The following EBF1 variants were observed in gnomAD, a reference collection of about 807,000 sequenced individuals.
EBF1 encodes EBF transcription factor 1, also known as transcription factor COE1.
Under a neutral mutation model 68.4 loss-of-function variants are expected in EBF1, and 10 were observed. That is an observed-to-expected ratio of 0.15 (90% CI 0.09 to 0.25). The LOEUF (loss-of-function observed/expected upper bound fraction) is 0.25. EBF1 is among the 10% of genes least tolerant of loss of function. EBF1 has a pLI of 1.00. For missense variants in EBF1, 509 were observed against 794.4 expected (o/e 0.64, Z 4.32); for synonymous variants, 298 against 299.8 (o/e 0.99, Z 0.06).
At chr5:158,934,245 T>G (rs1280664688) in intron 6 of EBF1, among the ~76,000 whole-genome samples, 2 of 151,184 alleles carry the variant, frequency 1.3e-5, no homozygotes, top group Non-Finnish European at 2.9e-5. Context: ...TGCATATTAG[T>G]TCCTTCCTTC....
At chr5:158,812,468 G>T (rs1486412335) in intron 8 of EBF1, among the ~76,000 whole-genome samples, 1 of 152,054 alleles carries the variant, frequency 6.6e-6, no homozygotes, top group Non-Finnish European at 1.5e-5. Context: ...CCTTTAGTGG[G>T]CTCTAATCAT....
intron 7 of EBF1, among the ~76,000 whole-genome samples, chr5:158,833,402 T>C (rs906842341): frequency 6.6e-6 from 1 of 152,198 alleles, no homozygotes; most frequent in Non-Finnish European, 1.5e-5. Flanking sequence ...GCAGTTACAA[T>C]TTCTAATATT....
intron 6 of EBF1, among the ~76,000 whole-genome samples, chr5:159,020,768 G>C (rs1012186945): frequency 5.3e-5 from 8 of 152,164 alleles, no homozygotes; most frequent in African/African-American, 1.9e-4. Flanking sequence ...CCTCTCCAAA[G>C]TGCCTAGTAC....
intron 10 of EBF1, among the ~76,000 whole-genome samples, chr5:158,763,827 G>A (rs1772058411): frequency 6.6e-6 from 1 of 152,174 alleles, no homozygotes. Flanking sequence ...CTCTGGTTTT[G>A]TAAGCAAATA....
intron 6 of EBF1, among the ~76,000 whole-genome samples, chr5:159,021,197 A>C (rs1177885959): frequency 1.3e-5 from 2 of 152,258 alleles, no homozygotes; most frequent in Non-Finnish European, 1.5e-5. Context: ...TCCCTAAAGC[A>C]GTATCCTGTT....
chr5:158,956,619 C>T (rs1387740995), intron 6 of EBF1, among the ~76,000 whole-genome samples: 1 of 151,920 alleles, frequency 6.6e-6, no homozygotes, highest in Non-Finnish European at 1.5e-5. Context: ...TTGAGAAAGA[C>T]ATACTTACTA....
At chr5:158,746,584 A>C (rs1033607039) in intron 10 of EBF1, among the ~76,000 whole-genome samples, 4 of 152,146 alleles carry the variant, frequency 2.6e-5, no homozygotes, top group African/African-American at 9.7e-5. Context: ...GAAGTTCCCC[A>C]AACTGAATCT....
At chr5:158,829,708 C>G (rs1364740621) in intron 7 of EBF1, among the ~76,000 whole-genome samples, 2 of 152,150 alleles carry the variant, frequency 1.3e-5, no homozygotes, top group Non-Finnish European at 2.9e-5. Context: ...CCCCTATAGT[C>G]TACATTCTAC....
intron 10 of EBF1, among the ~76,000 whole-genome samples, chr5:158,759,535 T>C (rs1770926982): frequency 1.3e-5 from 2 of 152,158 alleles, no homozygotes; most frequent in East Asian, 3.9e-4. Flanking sequence ...GGGCAAATGA[T>C]AGCATAGCGT....
Position 158,698,679 on chromosome 5 carries a change from A to C in EBF1, c.*432T>G, listed in dbSNP as rs1465695385. 132 of 123,304 alleles carry C rather than the reference A, an allele frequency of 1.1e-3. No individual in the cohort carries two copies. The highest frequency in any genetic ancestry group is 2.3e-3 in the Middle Eastern group (1 of 440). 7.6% of individuals were successfully genotyped at this position (123,304 alleles called of 1,614,324 possible). A position where few individuals can be genotyped will look rare whatever the true frequency, so the allele number is the denominator to read the frequency against. On this transcript the variant is annotated 3_prime_UTR_variant, in exon 16 of 16. Coordinates refer to ENST00000313708, the MANE Select transcript of EBF1 (RefSeq NM_024007.5). ...CCTTTTTTTCTTTTTTTTTTTTTTT[A>C]CTTTTTTGTAAATATCACCACTTCA...
intron 8 of EBF1, among the ~76,000 whole-genome samples, chr5:158,804,400 A>C (rs1224858804): frequency 6.6e-6 from 1 of 152,104 alleles, no homozygotes; most frequent in East Asian, 1.9e-4. Context: ...ATTTTTCAAC[A>C]ATCAATGGAC....
chr5:159,041,878 T>C (rs1771263119), intron 6 of EBF1, among the ~76,000 whole-genome samples: 1 of 152,246 alleles, frequency 6.6e-6, no homozygotes, highest in Non-Finnish European at 1.5e-5. Context: ...TGTCCGTGTG[T>C]TGCAGAGACT....
At chr5:158,934,582 G>A (rs1284168266) in intron 6 of EBF1, among the ~76,000 whole-genome samples, 1 of 152,156 alleles carries the variant, frequency 6.6e-6, no homozygotes, top group African/African-American at 2.4e-5. Context: ...ACCTTGCAAT[G>A]GGCAGTGTTG....
intron 8 of EBF1, among the ~76,000 whole-genome samples, chr5:158,810,942 G>C (rs142840304): frequency 7.9e-5 from 12 of 152,256 alleles, no homozygotes; most frequent in Middle Eastern, 3.4e-3. Flanking sequence ...ACTTGCCCAC[G>C]GCAGGCCGGC....
At chr5:159,092,697 T>C (rs1205207410) in intron 4 of EBF1, among the ~76,000 whole-genome samples, 3 of 152,228 alleles carry the variant, frequency 2.0e-5, no homozygotes, top group Non-Finnish European at 2.9e-5. Flanking sequence ...GTCAAGAATA[T>C]GACATCACTC....
chr5:158,790,737 A>AT (rs1778433987), intron 9 of EBF1, among the ~76,000 whole-genome samples: 1 of 152,236 alleles, frequency 6.6e-6, no homozygotes, highest in Non-Finnish European at 1.5e-5. Flanking sequence ...TAGAAGACGA[A>AT]TTAGGCCAAC....
chr5:158,863,349 C>T (rs1210453642), intron 6 of EBF1, among the ~76,000 whole-genome samples: 1 of 152,214 alleles, frequency 6.6e-6, no homozygotes, highest in Non-Finnish European at 1.5e-5. Flanking sequence ...TCCAACGGCA[C>T]ACTCCTCCAG....
At chr5:158,755,316 T>C (rs1349900235) in intron 10 of EBF1, among the ~76,000 whole-genome samples, 1 of 152,118 alleles carries the variant, frequency 6.6e-6, no homozygotes, top group Non-Finnish European at 1.5e-5. Context: ...CCCACTTCTC[T>C]AGTTCCCTGG....
rs927089884 is a variant in EBF1, at chr5:159,050,821, G to C, written c.554+22575C>G. Reference sequence around the variant, plus strand: ...AGAATTGCTCCCGGAGGGAGTAGTGGGTACAAAGCTGGGTGCCTGTGCTCT... The same window carrying C: ...AGAATTGCTCCCGGAGGGAGTAGTGCGTACAAAGCTGGGTGCCTGTGCTCT... On this transcript the variant is annotated intron_variant, in intron 6 of 15. Transcript: ENST00000313708. Among the ~76,000 whole-genome samples, 5 of 152,160 alleles carry C rather than the reference G, an allele frequency of 3.3e-5. No homozygotes were observed. In the South Asian group the frequency reaches 1.0e-3, roughly 32 times the overall value.
Sources: allele counts gnomAD v4.1 joint callset (sites outside exome capture counted in the v4.1 genomes callset), GRCh38; gene constraint gnomAD v4.1.1; transcripts MANE v1.5; gene names NCBI Gene and HGNC (gene_info 2026-07-23, HGNC 2026-07-21).